The following NEK10 variants were observed in gnomAD, a reference collection of about 807,000 sequenced individuals.
NEK10 encodes the protein NIMA related kinase 10, also known as serine/threonine-protein kinase Nek10.
A neutral mutation model predicts 159.8 loss-of-function variants in NEK10; 122 were observed. The observed-to-expected ratio is 0.76, with a 90% CI of 0.66 to 0.89. The LOEUF is 0.89. NEK10 is among the 40% of genes least tolerant of loss of function. The pLI is 0.00. For missense variants in NEK10, 1,342 were observed against 1,323.1 expected, an observed-to-expected ratio of 1.01 and a Z score of -0.22; for synonymous variants, 466 against 457.1, an observed-to-expected ratio of 1.02 and a Z score of -0.25.
intron 30 of NEK10, among the ~76,000 whole-genome samples, chr3:27,152,327 G>C (rs138863759): frequency 6.6e-6 from 1 of 152,288 alleles, no homozygotes; most frequent in Non-Finnish European, 1.5e-5. Context: ...GAAGGGATTG[G>C]AGCCCTATCT....
At chr3:27,290,365 T>C (rs1236875623) in intron 19 of NEK10, among the ~76,000 whole-genome samples, 1 of 152,188 alleles carries the variant, frequency 6.6e-6, no homozygotes, top group African/African-American at 2.4e-5. Context: ...AAAGGATTTC[T>C]CATATATGAT....
rs540001090 is a variant in NEK10, at chr3:27,212,538, T to C, written c.2091-9981A>G. ...TCCCTATTCCCATTTGCTGAGCAGA[T>C]ACAAAGACATCTGTCAACAGAAAAC... On this transcript the variant is annotated intron_variant, in intron 23 of 35. Transcript: ENST00000691995. 1.7e-4 allele frequency among the ~76,000 whole-genome samples: 26 copies of C among 152,356 alleles called. 1 individual carries two copies. The South Asian group carries it at 3.7e-3, about 22-fold the overall frequency.
chr3:27,185,764 C>G (rs544388533), intron 26 of NEK10, among the ~76,000 whole-genome samples: 1 of 152,312 alleles, frequency 6.6e-6, no homozygotes, highest in South Asian at 2.1e-4. Flanking sequence ...CACCCCACCC[C>G]CAGTACACAC....
intron 23 of NEK10, among the ~76,000 whole-genome samples, chr3:27,239,383 G>C (rs1954301864): frequency 6.6e-6 from 1 of 152,094 alleles, no homozygotes; most frequent in Non-Finnish European, 1.5e-5. Flanking sequence ...GGAGCCCAAT[G>C]GAAGGGAAGC....
intron 15 of NEK10, among the ~76,000 whole-genome samples, chr3:27,294,228 T>A (rs2043191492): frequency 6.6e-6 from 1 of 152,216 alleles, no homozygotes; most frequent in Admixed American, 6.5e-5. Flanking sequence ...AAAATAAACA[T>A]CTGACATTTT....
chr3:27,358,436 AT>A (rs1363446668), intron 1 of NEK10, among the ~76,000 whole-genome samples: 2 of 152,128 alleles, frequency 1.3e-5, no homozygotes, highest in Non-Finnish European at 2.9e-5. Context: ...TTTTAAATCC[AT>A]TTTTTAAAAG....
At chr3:27,351,322 T>C (rs191862963) in intron 3 of NEK10, among the ~76,000 whole-genome samples, 3 of 152,208 alleles carry the variant, frequency 2.0e-5, no homozygotes, top group African/African-American at 7.2e-5. Flanking sequence ...GTTTGCCTCT[T>C]TAAGAAAGAA....
At chr3:27,257,460 T>C (rs148413109) in intron 22 of NEK10, among the ~76,000 whole-genome samples, 267 of 152,330 alleles carry the variant, frequency 1.8e-3, no homozygotes, top group Non-Finnish European at 3.4e-3. Flanking sequence ...CAATGCAGTA[T>C]TTGATTATAT....
intron 26 of NEK10, among the ~76,000 whole-genome samples, chr3:27,176,851 G>C (rs1347918830): frequency 1.6e-4 from 24 of 152,184 alleles, no homozygotes; most frequent in Admixed American, 1.6e-3. Flanking sequence ...TTTGAATTGA[G>C]AAAACTTTTT....
chr3:27,275,987 A>G (rs2041742256), intron 22 of NEK10, among the ~76,000 whole-genome samples: 2 of 152,046 alleles, frequency 1.3e-5, no homozygotes, highest in African/African-American at 4.8e-5. Context: ...TTCTACATTA[A>G]TATTCAACTC....
At chr3:27,314,917 G>A (rs1479681069) in intron 6 of NEK10, among the ~76,000 whole-genome samples, 1 of 152,138 alleles carries the variant, frequency 6.6e-6, no homozygotes, top group African/African-American at 2.4e-5. Flanking sequence ...TACAGTTTGG[G>A]AAGCATTGCT....
At chr3:27,235,154 TA>T (rs1180664558) in intron 23 of NEK10, among the ~76,000 whole-genome samples, 1 of 152,028 alleles carries the variant, frequency 6.6e-6, no homozygotes, top group Non-Finnish European at 1.5e-5. Flanking sequence ...CCCAAAACTA[TA>T]AAAACCCTAG....
intron 32 of NEK10, among the ~76,000 whole-genome samples, chr3:27,128,730 A>G (rs1380263011): frequency 6.6e-6 from 1 of 152,012 alleles, no homozygotes; most frequent in Admixed American, 6.6e-5. Flanking sequence ...CAATTATCCC[A>G]TAAATAGCCA....
intron 12 of NEK10, among the ~76,000 whole-genome samples, chr3:27,303,978 A>C (rs1212820580): frequency 6.6e-6 from 1 of 152,244 alleles, no homozygotes; most frequent in Non-Finnish European, 1.5e-5. Flanking sequence ...TAGGTAATAG[A>C]ATCTTCCCAT....
At chr3:27,167,936 A>G (rs1946625574) in intron 29 of NEK10, among the ~76,000 whole-genome samples, 1 of 152,156 alleles carries the variant, frequency 6.6e-6, no homozygotes. Flanking sequence ...TGTCTGGCTC[A>G]TTTGCCCAAA....
At chr3:27,132,659 C>G (rs914744979) in intron 31 of NEK10, among the ~76,000 whole-genome samples, 6 of 152,056 alleles carry the variant, frequency 3.9e-5, no homozygotes, top group Admixed American at 3.3e-4. Flanking sequence ...ATTTGTCATG[C>G]TTTGTAGGTT....
At position 27,257,077 on chromosome 3, in the gene NEK10, G is replaced by A. The variant is rs539650055; in HGVS notation, c.2015-706C>T. Among the ~76,000 whole-genome samples the A allele has an allele frequency of 1.5e-3, 235 of 151,886 alleles. 1 individual carries two copies. The highest frequency in any genetic ancestry group is 5.4e-3 in the African/African-American group (223 of 41,416). ...ATTACAGGCACGTGCCACCATGCCC[G>A]GCTAATTTTTGTAGTTTTAGTAGAG... On this transcript the variant is annotated intron_variant, in intron 22 of 35. Coordinates refer to ENST00000691995, the MANE Select transcript of NEK10 (RefSeq NM_001394966.1).
At chr3:27,346,998 C>T (rs2047600516) in intron 3 of NEK10, among the ~76,000 whole-genome samples, 1 of 152,010 alleles carries the variant, frequency 6.6e-6, no homozygotes, top group African/African-American at 2.4e-5. Flanking sequence ...TCTGATAACA[C>T]AATAAAGTTG....
rs1356753235 is a variant in NEK10, at chr3:27,106,787, C to T, written c.*4485G>A. Among the ~76,000 whole-genome samples the T allele has an allele frequency of 6.6e-6, 1 of 152,160 alleles. No homozygotes were observed. The highest frequency in any genetic ancestry group is 2.4e-5 in the African/African-American group (1 of 41,438). On this transcript the variant is annotated 3_prime_UTR_variant, in exon 36 of 36. Transcript: ENST00000691995. ...ACTCACCATATCAATTCCAAGTATCCATCTGGATTTGTTGATTGTCAAAAT... is the reference window on the plus strand; with the variant it reads ...ACTCACCATATCAATTCCAAGTATCTATCTGGATTTGTTGATTGTCAAAAT...
Sources: allele counts gnomAD v4.1 joint callset (sites outside exome capture counted in the v4.1 genomes callset), GRCh38; gene constraint gnomAD v4.1.1; transcripts MANE v1.5; gene names NCBI Gene and HGNC (gene_info 2026-07-23, HGNC 2026-07-21).